The following KLF15 variants were observed in gnomAD, a reference collection of about 807,000 sequenced individuals.
The protein encoded by KLF15 is Krueppel-like factor 15.
A neutral mutation model predicts 24.6 loss-of-function variants in KLF15; 4 were observed. That is an observed-to-expected ratio of 0.16 (90% confidence interval 0.08 to 0.37). KLF15 has a LOEUF of 0.37. Among genes scored for constraint, KLF15 ranks in the 10% least tolerant of loss-of-function variants. The pLI, the probability that KLF15 is intolerant of heterozygous loss-of-function variation, is 1.00. For missense variants in KLF15, 496 were observed against 560.6 expected, an observed-to-expected ratio of 0.88 and a Z score of 1.16; for synonymous variants, 246 against 236.3, an observed-to-expected ratio of 1.04 and a Z score of -0.37.
chr3:126,355,704 G>C (rs900500277), intron 1 of KLF15, among the ~76,000 whole-genome samples: 6 of 152,228 alleles, frequency 3.9e-5, no homozygotes, highest in Non-Finnish European at 8.8e-5. Context: ...AAACAGGACC[G>C]GGCAAAATTT....
At chr3:126,296,699 G>A in the KLF15 span, among the ~76,000 whole-genome samples, 1 of 152,178 alleles carries the variant, frequency 6.6e-6, no homozygotes, top group Non-Finnish European at 1.5e-5. Flanking sequence ...CCTCCAAAGT[G>A]TAGAAAACAC....
chr3:126,343,691 T>A lies in KLF15; in HGVS notation c.*36A>T. ...TAAAAAAATGGGGATGGGGTGGGGA[T>A]CCGGGGTGACGGACAGGCTGGGGTT... On this transcript the variant is annotated 3_prime_UTR_variant, in exon 3 of 3. Coordinates refer to ENST00000296233, the MANE Select transcript of KLF15 (RefSeq NM_014079.4). The A allele has an allele frequency of 6.3e-7, 1 of 1,588,870 alleles. No individual in the cohort carries two copies.
At chr3:126,321,707 T>C in the KLF15 span, among the ~76,000 whole-genome samples, 1 of 152,192 alleles carries the variant, frequency 6.6e-6, no homozygotes, top group African/African-American at 2.4e-5. Flanking sequence ...ACAGACTTGG[T>C]GCCTTCCTTC....
the KLF15 span, among the ~76,000 whole-genome samples, chr3:126,310,846 T>G: frequency 6.6e-6 from 1 of 152,170 alleles, no homozygotes; most frequent in Non-Finnish European, 1.5e-5. Context: ...AACACATGAA[T>G]TTTGGGGGAC....
chr3:126,323,232 C>A, the KLF15 span, among the ~76,000 whole-genome samples: 3 of 149,692 alleles, frequency 2.0e-5, no homozygotes, highest in Non-Finnish European at 3.0e-5. Context: ...TTTCTTTCCC[C>A]ACCCACCTCA....
chr3:126,339,469 T>C (rs1022521882), downstream of KLF15, among the ~76,000 whole-genome samples: 2 of 152,086 alleles, frequency 1.3e-5, no homozygotes, highest in African/African-American at 4.8e-5. Flanking sequence ...CACATCGAGA[T>C]GTGCACTTTC....
chr3:126,316,479 A>T, the KLF15 span, among the ~76,000 whole-genome samples: 25 of 144,540 alleles, frequency 1.7e-4, no homozygotes, highest in Middle Eastern at 3.8e-3. Context: ...TGGGGAAGGG[A>T]GTCCACAGGC....
the KLF15 span, among the ~76,000 whole-genome samples, chr3:126,307,824 GA>G: frequency 6.6e-6 from 1 of 152,134 alleles, no homozygotes; most frequent in Non-Finnish European, 1.5e-5. Context: ...CAGGCCCAGC[GA>G]TTTCCTTTCC....
At chr3:126,310,564 A>G in the KLF15 span, among the ~76,000 whole-genome samples, 104 of 152,224 alleles carry the variant, frequency 6.8e-4, no homozygotes, top group Non-Finnish European at 1.2e-3. Flanking sequence ...ACAGACGCTT[A>G]TTTCCTCACG....
the KLF15 span, among the ~76,000 whole-genome samples, chr3:126,331,433 C>T: frequency 6.6e-6 from 1 of 152,160 alleles, no homozygotes; most frequent in Non-Finnish European, 1.5e-5. Flanking sequence ...TTCAGTTCTT[C>T]CCACGGTTGA....
chr3:126,300,213 T>C, the KLF15 span, among the ~76,000 whole-genome samples: 4,569 of 151,972 alleles, frequency 0.03, 229 homozygotes, highest in African/African-American at 0.1. Flanking sequence ...GTTTCAGGAG[T>C]AATTGCTGTG....
At chr3:126,299,924 G>A in the KLF15 span, among the ~76,000 whole-genome samples, 2 of 152,188 alleles carry the variant, frequency 1.3e-5, no homozygotes, top group Admixed American at 6.5e-5. Context: ...ACTGAGAGAC[G>A]ATAGAAGTCT....
At chr3:126,304,799 A>G in the KLF15 span, among the ~76,000 whole-genome samples, 7 of 152,344 alleles carry the variant, frequency 4.6e-5, no homozygotes, top group Non-Finnish European at 1.0e-4. Context: ...TGCTTTTGAA[A>G]TTCACCGAGT....
At chr3:126,324,998 C>A in the KLF15 span, among the ~76,000 whole-genome samples, 1,294 of 102,398 alleles carry the variant, frequency 0.013, 33 homozygotes, top group African/African-American at 0.05. Flanking sequence ...TGTGATATTC[C>A]CCTTCCTGTG....
chr3:126,345,435 G>C (rs531471168), intron 2 of KLF15, among the ~76,000 whole-genome samples: 2 of 151,988 alleles, frequency 1.3e-5, no homozygotes, highest in Non-Finnish European at 2.9e-5. Flanking sequence ...GCAGCCCTAG[G>C]GGGGCAGACA....
At chr3:126,338,685 T>C (rs930235041), downstream of KLF15, among the ~76,000 whole-genome samples, 64 of 152,214 alleles carry the variant, frequency 4.2e-4, 1 homozygote, top group Admixed American at 7.8e-4. Context: ...CATTTGCACT[T>C]AGGTTTTAAA....
chr3:126,323,422 T>TAACATATATATGTC, the KLF15 span, among the ~76,000 whole-genome samples: 1 of 16,354 alleles, frequency 6.1e-5, no homozygotes, highest in African/African-American at 1.4e-4. Flanking sequence ...TATATATATA[T>TAACATATATATGTC]ATATATATAT....
the KLF15 span, among the ~76,000 whole-genome samples, chr3:126,300,573 C>T: frequency 1.3e-5 from 2 of 152,358 alleles, no homozygotes; most frequent in East Asian, 1.9e-4. Flanking sequence ...TCCGGCTTCC[C>T]CTTTCCCCGT....
the KLF15 span, among the ~76,000 whole-genome samples, chr3:126,295,481 A>T: frequency 6.6e-6 from 1 of 152,178 alleles, no homozygotes; most frequent in Non-Finnish European, 1.5e-5. Flanking sequence ...AAAAGGCCCA[A>T]ACCAACTCAG....
Sources: gnomAD v4.1 joint callset for allele counts (sites outside exome capture counted in the v4.1 genomes callset) on GRCh38, gnomAD v4.1.1 for gene constraint, MANE v1.5 for transcripts, NCBI Gene and HGNC (gene_info 2026-07-23, HGNC 2026-07-21) for gene names.